SYNE2: variants seen among roughly 807,000 people sequenced by gnomAD.
SYNE2 encodes spectrin repeat containing nuclear envelope protein 2.
A neutral mutation model predicts 856.3 loss-of-function variants in SYNE2; 431 were observed. The observed-to-expected ratio is 0.50, with a 90% confidence interval of 0.47 to 0.55. The LOEUF (loss-of-function observed/expected upper bound fraction) is 0.55. Ranked by LOEUF, SYNE2 falls within the 20% of genes least tolerant of loss-of-function variation. The pLI, the probability that SYNE2 is intolerant of heterozygous loss-of-function variation, is 0.00. For synonymous variants in SYNE2, 2,923 were observed against 2,872.3 expected, an observed-to-expected ratio of 1.02 and a Z score of -0.56; for missense variants, 8,129 against 8,023.2, an observed-to-expected ratio of 1.01 and a Z score of -0.50.
intron 96 of SYNE2, among the ~76,000 whole-genome samples, chr14:64,179,137 AT>A (rs962291828): frequency 4.0e-5 from 6 of 151,572 alleles, no homozygotes; most frequent in African/African-American, 1.2e-4. Flanking sequence ...ATATAATGTA[AT>A]TTTTTTTTCT....
intron 65 of SYNE2, among the ~76,000 whole-genome samples, chr14:64,108,141 G>C (rs2097783111): frequency 6.6e-6 from 1 of 152,100 alleles, no homozygotes; most frequent in Non-Finnish European, 1.5e-5. Flanking sequence ...CTGATGTCAG[G>C]AGTTTGAGAC....
chr14:64,003,947 A>C (rs1450170827), intron 30 of SYNE2, among the ~76,000 whole-genome samples: 1 of 152,180 alleles, frequency 6.6e-6, no homozygotes, highest in African/African-American at 2.4e-5. Context: ...TTCAGATTCC[A>C]AAAGCTAAAA....
chr14:64,045,446 G>A (rs1595108272), intron 45 of SYNE2, among the ~76,000 whole-genome samples: 1 of 151,542 alleles, frequency 6.6e-6, no homozygotes, highest in Admixed American at 6.6e-5. Context: ...GTGTATTTCG[G>A]GGGGTGGGGG....
chr14:63,976,251 TTGCTTAGAGGTG>T (rs1298373292), intron 11 of SYNE2, among the ~76,000 whole-genome samples: 1 of 152,222 alleles, frequency 6.6e-6, no homozygotes, highest in African/African-American at 2.4e-5. Context: ...TAGTCTATCC[TTGCTTAGAGGTG>T]TGCTTTTAAT....
intron 13 of SYNE2, 28 bp downstream of exon 13, chr14:63,978,045 C>T (rs1223548846): frequency 7.1e-7 from 1 of 1,418,316 alleles, no homozygotes; most frequent in Non-Finnish European, 1.0e-6. Flanking sequence ...TTCACAGCTG[C>T]TGTCACTATT....
chr14:63,844,623 T>G (rs755743445), intron 1 of SYNE2, among the ~76,000 whole-genome samples: 3 of 152,242 alleles, frequency 2.0e-5, no homozygotes, highest in African/African-American at 4.8e-5. Context: ...TACATTCATA[T>G]TCATAAATGA....
At chr14:63,769,991 T>C (rs1405475119) in intron 1 of SYNE2, among the ~76,000 whole-genome samples, 1 of 152,012 alleles carries the variant, frequency 6.6e-6, no homozygotes, top group East Asian at 2.0e-4. Flanking sequence ...CACAGCTCAC[T>C]GCAGCCTTGA....
intron 61 of SYNE2, 84 bp downstream of exon 61, chr14:64,093,564 G>A: frequency 1.3e-6 from 2 of 1,521,432 alleles, no homozygotes; most frequent in Non-Finnish European, 1.8e-6. Context: ...TGGTGTCTAG[G>A]AGCCTTTCTA....
At position 64,101,958 on chromosome 14, in the gene SYNE2, G is replaced by A. The variant is rs778184408; in HGVS notation, c.12408G>A (p.Ser4136=). 29 of 1,613,800 alleles carry A rather than the reference G, an allele frequency of 1.8e-5. No individual in the cohort carries two copies. The highest frequency in any genetic ancestry group is 9.9e-5 in the South Asian group (9 of 91,074). The part of the protein sequence containing the change: ...SDNGDEKAEP[S]PQSWSSLWKH... Reference sequence around the variant, plus strand: ...ATGGAGATGAGAAGGCAGAGCCATCGCCTCAGTCTTGGTCTTCACTTTGGA... The same window carrying A: ...ATGGAGATGAGAAGGCAGAGCCATCACCTCAGTCTTGGTCTTCACTTTGGA... Residue 4136 remains serine (S), a synonymous_variant, in exon 64 of 116, where the codon TCG becomes TCA. Transcript: ENST00000555002.
chr14:64,038,438 G>A (rs1245620738), intron 45 of SYNE2, among the ~76,000 whole-genome samples: 3 of 144,108 alleles, frequency 2.1e-5, no homozygotes, highest in African/African-American at 7.5e-5. Context: ...CCCAGACGGG[G>A]TGGCGGCTTG....
intron 1 of SYNE2, among the ~76,000 whole-genome samples, chr14:63,858,262 C>CTTTTTTTTTT (rs61091259): frequency 2.6e-4 from 14 of 52,932 alleles, no homozygotes; most frequent in East Asian, 1.3e-3. Context: ...CCACACCGGC[C>CTTTTTTTTTT]TTTTTTTTTT....
chr14:64,142,805 C>T (rs531714251), intron 82 of SYNE2, among the ~76,000 whole-genome samples: 4 of 152,196 alleles, frequency 2.6e-5, no homozygotes, highest in African/African-American at 7.2e-5. Flanking sequence ...GATCCTTCTA[C>T]AAATAGATAT....
In SYNE2 at chr14:63,809,793, G is replaced by A. The variant is rs181478714; in HGVS notation, c.-304-42708G>A. Reference sequence around the variant, plus strand: ...TGGGATTACAGACATGAGCCACCGCGCCTGGCTAATTAAGTATTTTAAATC... The same window carrying A: ...TGGGATTACAGACATGAGCCACCGCACCTGGCTAATTAAGTATTTTAAATC... On this transcript the variant is annotated intron_variant, in intron 1 of 23. Coordinates refer to the SYNE2 transcript ENST00000674003. Among the ~76,000 whole-genome samples, 217 of 152,180 alleles carry A rather than the reference G, an allele frequency of 1.4e-3. 7 individuals carry two copies. The highest frequency in any genetic ancestry group is 0.014 in the Admixed American group (209 of 15,288).
chr14:63,870,484 T>C (rs909170406), intron 1 of SYNE2, among the ~76,000 whole-genome samples: 12 of 129,696 alleles, frequency 9.3e-5, no homozygotes, highest in African/African-American at 3.6e-4. Context: ...TTTCTGACTG[T>C]CCCCTAAACA....
At chr14:64,160,446 G>A (rs1468701902) in intron 87 of SYNE2, among the ~76,000 whole-genome samples, 1 of 152,176 alleles carries the variant, frequency 6.6e-6, no homozygotes, top group African/African-American at 2.4e-5. Flanking sequence ...ACTTCCTCAT[G>A]GATTGGTAAG....
intron 60 of SYNE2, among the ~76,000 whole-genome samples, chr14:64,091,942 G>C (rs2097620801): frequency 6.6e-6 from 1 of 151,884 alleles, no homozygotes; most frequent in Non-Finnish European, 1.5e-5. Flanking sequence ...TGCACATTTT[G>C]GTGGCCACTC....
chr14:64,006,381 C>CT (rs961062402), intron 30 of SYNE2, among the ~76,000 whole-genome samples: 1 of 152,078 alleles, frequency 6.6e-6, no homozygotes, highest in Non-Finnish European at 1.5e-5. Flanking sequence ...CTATATCATG[C>CT]TGTCTTCCCC....
chr14:63,814,306 GAACAA>G (rs1424296263), intron 1 of SYNE2, among the ~76,000 whole-genome samples: 8 of 149,094 alleles, frequency 5.4e-5, no homozygotes, highest in African/African-American at 1.2e-4. Flanking sequence ...ACAAAGAACA[GAACAA>G]AACAAAACAA....
chr14:64,089,533 T>C (rs759154933), intron 58 of SYNE2, 41 bp from the exon 59 acceptor site: 12 of 1,580,480 alleles, frequency 7.6e-6, no homozygotes, highest in Non-Finnish European at 8.7e-6. Flanking sequence ...ATGATTAATA[T>C]ACAATATATA....
Sources: gnomAD v4.1 joint callset for allele counts (sites outside exome capture counted in the v4.1 genomes callset) on GRCh38, gnomAD v4.1.1 for gene constraint, MANE v1.5 for transcripts, NCBI Gene and HGNC (gene_info 2026-07-23, HGNC 2026-07-21) for gene names.